The following PGLYRP3 variants were observed in gnomAD, a reference collection of about 807,000 sequenced individuals.
The protein encoded by PGLYRP3 is peptidoglycan recognition protein 3.
Under a neutral mutation model 36.0 loss-of-function variants are expected in PGLYRP3, and 39 were observed. The observed-to-expected ratio is 1.08, with a 90% CI of 0.84 to 1.41. The LOEUF is 1.41. PGLYRP3 is among the 40% of genes most tolerant of loss of function. The pLI, the probability that PGLYRP3 is intolerant of heterozygous loss-of-function variation, is 0.00. For synonymous variants in PGLYRP3, 204 were observed against 172.8 expected (o/e 1.18, Z -1.42); for missense variants, 407 against 427.9 (o/e 0.95, Z 0.43).
At chr1:153,299,761 C>A (rs1440123629) in intron 6 of PGLYRP3, among the ~76,000 whole-genome samples, 1 of 152,150 alleles carries the variant, frequency 6.6e-6, no homozygotes, top group African/African-American at 2.4e-5. Context: ...CCAAGCAAAC[C>A]CACCTTCTTC....
intron 1 of PGLYRP3, among the ~76,000 whole-genome samples, chr1:153,312,136 C>T (rs1659909511): frequency 6.6e-6 from 1 of 152,148 alleles, no homozygotes; most frequent in South Asian, 2.1e-4. Context: ...AAATCCTGCC[C>T]CAAGCTGGTC....
intron 2 of PGLYRP3, among the ~76,000 whole-genome samples, chr1:153,309,225 G>A (rs759826490): frequency 6.6e-6 from 1 of 152,150 alleles, no homozygotes; most frequent in African/African-American, 2.4e-5. Flanking sequence ...CCACAGACCA[G>A]CCCTGTGGTT....
In PGLYRP3 at chr1:153,297,499, A is replaced by G. The variant is rs1479977473; in HGVS notation, c.*457T>C. 5.7e-5 allele frequency among the ~76,000 whole-genome samples: 3 copies of G among 52,746 alleles called. No individual in the cohort carries two copies. The highest frequency in any genetic ancestry group is 2.6e-4 in the African/African-American group (3 of 11,494). 34.6% of individuals were successfully genotyped at this position (52,746 alleles called of 152,430 possible). On this transcript the variant is annotated 3_prime_UTR_variant, in exon 8 of 8. Transcript: ENST00000683862. ...GAGTGAGAAAGCAAGAAAGAAGGTG[A>G]AAGGAAGGAAGGAAGGAAGGAAGGA...
intron 3 of PGLYRP3, among the ~76,000 whole-genome samples, chr1:153,306,178 T>A (rs1226495185): frequency 6.6e-6 from 1 of 152,212 alleles, no homozygotes; most frequent in East Asian, 1.9e-4. Context: ...CTGCAGCTGC[T>A]CTTATTTATT....
chr1:153,305,463 T>C (rs950153049), intron 3 of PGLYRP3, among the ~76,000 whole-genome samples: 4 of 152,232 alleles, frequency 2.6e-5, no homozygotes, highest in Non-Finnish European at 5.9e-5. Flanking sequence ...CAATAGTTCC[T>C]TTTGTATTGA....
chr1:153,310,772 G>T, intron 1 of PGLYRP3, 66 bp from the exon 2 acceptor site: 1 of 995,626 alleles, frequency 1.0e-6, no homozygotes, highest in Non-Finnish European at 1.6e-6. Flanking sequence ...CACCTACTAT[G>T]TGGCACCACT....
rs751838726 is a variant in PGLYRP3 at position 153,302,493 on chromosome 1, G to C, written c.644C>G (p.Thr215Ser). The change falls in exon 6 of 8, where the codon ACT (threonine) becomes AGT (serine). Residue 215 changes from threonine (T) to serine (S), a missense_variant. Transcript: ENST00000683862. ...IIIHTAGTSCTVSTDCQTVVR... is the reference protein window; with the variant it reads ...IIIHTAGTSCSVSTDCQTVVR... ...GACAGTCTGGCAGTCTGTGGATACA[G>C]TGCAGCTTGTGCCAGCGGTGTGGAT... 6.2e-7 allele frequency: 1 copy of C among 1,614,240 alleles called. No individual in the cohort carries two copies. Among genetic ancestry groups the C allele is most frequent in the Non-Finnish European group, 8.5e-7 (1 of 1,180,034 alleles).
chr1:153,308,897 G>A (rs1002418004), intron 2 of PGLYRP3, among the ~76,000 whole-genome samples: 1 of 152,238 alleles, frequency 6.6e-6, no homozygotes, highest in South Asian at 2.1e-4. Context: ...CCTTATCTGG[G>A]CAGTGCCACC....
rs146531476 is a variant in PGLYRP3, at chr1:153,307,727, G to A, written c.56-460C>T. Among the ~76,000 whole-genome samples the A allele has an allele frequency of 1.8e-3, 280 of 152,242 alleles. 1 individual carries two copies. Among genetic ancestry groups the A allele is most frequent in the African/African-American group, 6.5e-3 (268 of 41,540 alleles). The stretch of plus-strand genomic sequence containing the variant: ...CCCCTAAGAACCATGACTCTCTGAA[G>A]GAAGCTCTATCAGTCTCCTCAACTA... On this transcript the variant is annotated intron_variant, in intron 2 of 7. Transcript: ENST00000683862.
At chr1:153,303,022 T>C (rs1049585580) in intron 5 of PGLYRP3, among the ~76,000 whole-genome samples, 4 of 152,246 alleles carry the variant, frequency 2.6e-5, no homozygotes, top group Non-Finnish European at 5.9e-5. Context: ...ACTTGAAATC[T>C]AGAGAGAACT....
intron 6 of PGLYRP3, among the ~76,000 whole-genome samples, chr1:153,301,452 G>C (rs1659596278): frequency 6.6e-6 from 1 of 152,204 alleles, no homozygotes; most frequent in African/African-American, 2.4e-5. Context: ...GAACGGGGAT[G>C]GAGTCTCTAA....
At chr1:153,308,056 G>A (rs1235086187) in intron 2 of PGLYRP3, among the ~76,000 whole-genome samples, 4 of 151,280 alleles carry the variant, frequency 2.6e-5, no homozygotes, top group South Asian at 2.1e-4. Flanking sequence ...GTGCAGTGGC[G>A]CGATCTCGGC....
chr1:153,310,485 C>T, intron 2 of PGLYRP3, 126 bp downstream of exon 2: 1 of 963,904 alleles, frequency 1.0e-6, no homozygotes, highest in Admixed American at 2.0e-5. Context: ...AACAGGGCTC[C>T]AAATTGCAAA....
At position 153,299,125 on chromosome 1, in the gene PGLYRP3, C is replaced by T. The variant is rs760792152; in HGVS notation, c.835G>A (p.Gly279Ser). 24 of 1,613,828 alleles carry T rather than the reference C, an allele frequency of 1.5e-5. No individual in the cohort carries two copies. The highest frequency in any genetic ancestry group is 1.4e-4 in the South Asian group (13 of 91,066). The stretch of plus-strand genomic sequence containing the variant: ...GCTCACCCCTTACCTACAAAGTAGC[C>T]GATGAAGGCAATTCCTAGGGCAATA... ...NDIALGIAFI[G>S]YFVEKPPNAA... The change falls in exon 7 of 8, where the codon GGC becomes AGC. Residue 279 changes from glycine to serine, a missense_variant. By Grantham distance (56) the Gly-to-Ser change is moderately conservative. Transcript: ENST00000683862.
In PGLYRP3 at chr1:153,312,947, C is replaced by T. The variant is rs574620161; in HGVS notation, c.-346G>A. Among the ~76,000 whole-genome samples the T allele has an allele frequency of 2.6e-5, 4 of 152,300 alleles. No individual in the cohort carries two copies. Among genetic ancestry groups the T allele is most frequent in the African/African-American group, 9.6e-5 (4 of 41,576 alleles). On this transcript the variant is annotated 5_prime_UTR_variant, in exon 1 of 8. Transcript: ENST00000683862. ...GCTCTGTTTACAGCACCCAGAGAAA[C>T]TTAAGTGGGAACAGACCCAGGCTGA...
intron 5 of PGLYRP3, among the ~76,000 whole-genome samples, chr1:153,302,825 G>A (rs1303554678): frequency 6.6e-6 from 1 of 152,208 alleles, no homozygotes; most frequent in East Asian, 1.9e-4. Flanking sequence ...AAAATCTACA[G>A]GCCTGATACC....
At chr1:153,304,854 T>C (rs1172784116) in intron 4 of PGLYRP3, 93 bp downstream of exon 4, 4 of 891,740 alleles carry the variant, frequency 4.5e-6, no homozygotes, top group Non-Finnish European at 6.9e-6. Flanking sequence ...GTAAGTATGA[T>C]GTAGGGTAAA....
At chr1:153,308,606 T>G (rs1659816314) in intron 2 of PGLYRP3, among the ~76,000 whole-genome samples, 1 of 152,226 alleles carries the variant, frequency 6.6e-6, no homozygotes, top group African/African-American at 2.4e-5. Context: ...CCAGGAGAAC[T>G]GTGGAAAATC....
In PGLYRP3 at chr1:153,310,649, C is replaced by CATGG. The variant is rs778100694; in HGVS notation, c.13_16dup (p.Trp6SerfsTer88). ...ACCCAGAATGAAGAAGGCAAGAAGC[C>CATGG]ATGGCAGCGTCCCCATGTGGTCCCA... On this transcript the variant is annotated frameshift_variant, in exon 2 of 8. Transcript: ENST00000683862. LOFTEE classifies it high-confidence loss of function. The CATGG allele has an allele frequency of 1.7e-5, 28 of 1,614,024 alleles. No individual in the cohort carries two copies. The Admixed American group carries it at 4.7e-4, about 27-fold the overall frequency.
Sources: allele counts gnomAD v4.1 joint callset (sites outside exome capture counted in the v4.1 genomes callset), GRCh38; gene constraint gnomAD v4.1.1; transcripts MANE v1.5; gene names NCBI Gene and HGNC (gene_info 2026-07-23, HGNC 2026-07-21).